Variants in CDH8 observed in about 807,000 individuals in gnomAD.
CDH8 encodes cadherin 8.
Under a neutral mutation model 68.1 loss-of-function variants are expected in CDH8, and 17 were observed. The observed-to-expected ratio is 0.25, with a 90% CI of 0.17 to 0.37. CDH8 has a LOEUF of 0.37. Among genes scored for constraint, CDH8 ranks in the 10% least tolerant of loss-of-function variants. CDH8 has a pLI of 1.00. For missense variants in CDH8, 763 were observed against 999.3 expected, an observed-to-expected ratio of 0.76 and a Z score of 3.19; for synonymous variants, 372 against 365.1, an observed-to-expected ratio of 1.02 and a Z score of -0.21.
chr16:61,696,365 T>C (rs1335514035), intron 10 of CDH8, among the ~76,000 whole-genome samples: 1 of 152,210 alleles, frequency 6.6e-6, no homozygotes, highest in Non-Finnish European at 1.5e-5. Flanking sequence ...AGCAATAGTT[T>C]GTGTGAATTA....
intron 2 of CDH8, among the ~76,000 whole-genome samples, chr16:61,917,677 G>C (rs1209596616): frequency 2.0e-5 from 3 of 152,190 alleles, no homozygotes; most frequent in Non-Finnish European, 2.9e-5. Flanking sequence ...TATCTCACCA[G>C]ACTCAGGCAA....
chr16:61,662,428 A>C (rs1963586522), intron 10 of CDH8, among the ~76,000 whole-genome samples: 1 of 151,762 alleles, frequency 6.6e-6, no homozygotes, highest in Non-Finnish European at 1.5e-5. Flanking sequence ...TAGAAGTAAA[A>C]AATATATGAA....
At chr16:61,675,633 A>AAT (rs1963892164) in intron 10 of CDH8, among the ~76,000 whole-genome samples, 1 of 150,760 alleles carries the variant, frequency 6.6e-6, no homozygotes, top group Non-Finnish European at 1.5e-5. Flanking sequence ...AAAATAAAAA[A>AAT]AAATAAAAAT....
intron 2 of CDH8, among the ~76,000 whole-genome samples, chr16:61,967,077 T>C (rs1965263856): frequency 6.6e-6 from 1 of 152,030 alleles, no homozygotes; most frequent in African/African-American, 2.4e-5. Context: ...GGCACACACT[T>C]GTGGTCTCAG....
rs1963238256 is a variant in CDH8 at position 61,647,850 on chromosome 16, C to T, written c.*5758G>A. 1 of 699,702 alleles carries T rather than the reference C, an allele frequency of 1.4e-6. No individual in the cohort carries two copies. The allele number at this position is 699,702 out of a possible 1,614,324, so 43.3% of individuals were successfully genotyped here. ...TTCCACAGTCTTTCTCTTCAGACAG[C>T]ATCTTGTGATATTCCTCCTAGCAAC... On this transcript the variant is annotated 3_prime_UTR_variant, in exon 12 of 12. Transcript: ENST00000577390.
chr16:61,843,144 T>C (rs532346538), intron 4 of CDH8, among the ~76,000 whole-genome samples: 6 of 152,228 alleles, frequency 3.9e-5, no homozygotes, highest in African/African-American at 1.4e-4. Context: ...ACCAAGATAA[T>C]AAGGCTGGTA....
At chr16:61,899,554 T>A (rs1174479538) in intron 3 of CDH8, among the ~76,000 whole-genome samples, 2 of 151,330 alleles carry the variant, frequency 1.3e-5, no homozygotes, top group African/African-American at 4.9e-5. Flanking sequence ...GGAGAACTAA[T>A]GGAGAAGGGT....
chr16:61,724,071 T>C (rs554165337), intron 9 of CDH8, among the ~76,000 whole-genome samples: 1 of 150,890 alleles, frequency 6.6e-6, no homozygotes, highest in Admixed American at 6.6e-5. Flanking sequence ...AGGATTCTAA[T>C]CAAATGTGAT....
At chr16:61,688,495 G>A (rs1964150323) in intron 10 of CDH8, among the ~76,000 whole-genome samples, 1 of 152,046 alleles carries the variant, frequency 6.6e-6, no homozygotes, top group Non-Finnish European at 1.5e-5. Context: ...TTTTCGTGTA[G>A]TGTGGGGTGT....
chr16:61,848,155 A>C (rs1962853294), intron 4 of CDH8, among the ~76,000 whole-genome samples: 2 of 152,130 alleles, frequency 1.3e-5, no homozygotes, highest in Admixed American at 6.6e-5. Flanking sequence ...GACATGATAC[A>C]TAGAAAGCTG....
chr16:61,821,469 A>G (rs968948488), intron 5 of CDH8, among the ~76,000 whole-genome samples: 1 of 152,070 alleles, frequency 6.6e-6, no homozygotes, highest in Admixed American at 6.6e-5. Flanking sequence ...TTTACTGCCC[A>G]TGGGGATATT....
At chr16:61,768,372 TTCTCTCTCTCTCTCTCTCTCTCCCTTTC>T (rs1567461208) in intron 8 of CDH8, among the ~76,000 whole-genome samples, 20 of 38,914 alleles carry the variant, frequency 5.1e-4, no homozygotes, top group African/African-American at 2.1e-3. Context: ...CTCTCTCCCT[TTCTCTCTCTCTCTCTCTCTCTCCCTTTC>T]TCTCTCTCTC....
At chr16:62,021,076 T>C in intron 2 of CDH8, 76 bp downstream of exon 2, 1 of 1,285,534 alleles carries the variant, frequency 7.8e-7, no homozygotes, top group South Asian at 1.3e-5. Context: ...GTGGTCACAA[T>C]TAAAAAGAGT....
At chr16:61,706,012 T>C (rs968782527) in intron 10 of CDH8, among the ~76,000 whole-genome samples, 2 of 152,162 alleles carry the variant, frequency 1.3e-5, no homozygotes, top group African/African-American at 4.8e-5. Flanking sequence ...TGGCACATGA[T>C]GGACACCAAA....
chr16:61,886,520 T>C (rs777255782), intron 3 of CDH8, among the ~76,000 whole-genome samples: 15 of 152,170 alleles, frequency 9.9e-5, no homozygotes, highest in Non-Finnish European at 1.8e-4. Context: ...CTCCATTTTA[T>C]TGAGTTGTCT....
At chr16:61,838,859 C>T (rs1334413540) in intron 4 of CDH8, among the ~76,000 whole-genome samples, 2 of 152,104 alleles carry the variant, frequency 1.3e-5, no homozygotes, top group African/African-American at 2.4e-5. Context: ...CTAATCCTTT[C>T]TAATCATGAA....
chr16:61,781,816 T>C (rs1049578473), intron 8 of CDH8, among the ~76,000 whole-genome samples: 4 of 152,188 alleles, frequency 2.6e-5, no homozygotes. Flanking sequence ...TTTACATCTT[T>C]CTAAATGAGG....
At chr16:61,992,787 C>CT (rs758764378) in intron 2 of CDH8, among the ~76,000 whole-genome samples, 4 of 152,040 alleles carry the variant, frequency 2.6e-5, no homozygotes, top group Non-Finnish European at 5.9e-5. Context: ...ATTTTTTCTT[C>CT]TTTTTTGCTT....
At chr16:61,666,395 T>C (rs2142768371) in intron 10 of CDH8, among the ~76,000 whole-genome samples, 1 of 152,120 alleles carries the variant, frequency 6.6e-6, no homozygotes, top group East Asian at 1.9e-4. Flanking sequence ...ACATATTTTT[T>C]AGATAGAATA....
Sources: gnomAD v4.1 joint callset for allele counts (sites outside exome capture counted in the v4.1 genomes callset) on GRCh38, gnomAD v4.1.1 for gene constraint, MANE v1.5 for transcripts, NCBI Gene and HGNC (gene_info 2026-07-23, HGNC 2026-07-21) for gene names.